Variants in ATL3 observed in about 807,000 individuals in gnomAD.
ATL3 encodes atlastin GTPase 3.
Under a neutral mutation model 69.5 loss-of-function variants are expected in ATL3, and 49 were observed. The ratio of observed to expected loss-of-function variants is 0.71; its 90% CI spans 0.56 to 0.89. ATL3 has a LOEUF of 0.89. Among genes scored for constraint, ATL3 ranks in the 40% least tolerant of loss-of-function variants. The pLI is 0.00. For synonymous variants in ATL3, 214 were observed against 224.1 expected, an observed-to-expected ratio of 0.95 and a Z score of 0.40; for missense variants, 606 against 645.7, an observed-to-expected ratio of 0.94 and a Z score of 0.67.
intron 8 of ATL3, among the ~76,000 whole-genome samples, chr11:63,639,038 G>A (rs1939609235): frequency 1.3e-5 from 2 of 152,172 alleles, no homozygotes; most frequent in East Asian, 3.8e-4. Context: ...GAACAGGACT[G>A]CAGAATCTCA....
At chr11:63,664,417 G>A (rs1183359669) in intron 1 of ATL3, among the ~76,000 whole-genome samples, 2 of 151,436 alleles carry the variant, frequency 1.3e-5, no homozygotes, top group Non-Finnish European at 2.9e-5. Flanking sequence ...GTAGGCACCC[G>A]TAATCCCAGC....
chr11:63,656,149 G>A lies in ATL3; in HGVS notation c.405+2612C>T, dbSNP rs184608778. On this transcript the variant is annotated intron_variant, in intron 3 of 12. Transcript: ENST00000398868. Reference sequence around the variant, plus strand: ...TGAGGCAGGAGAATGGCGTGAACCCGGGAGGCGGAGCTTGCAGTGAGCCGA... The same window carrying A: ...TGAGGCAGGAGAATGGCGTGAACCCAGGAGGCGGAGCTTGCAGTGAGCCGA... 2.8e-3 allele frequency among the ~76,000 whole-genome samples: 422 copies of A among 151,738 alleles called. 4 individuals carry two copies. The highest frequency in any genetic ancestry group is 8.7e-3 in the African/African-American group (361 of 41,406).
At chr11:63,640,529 T>A (rs1590725592) in intron 8 of ATL3, among the ~76,000 whole-genome samples, 1 of 145,746 alleles carries the variant, frequency 6.9e-6, no homozygotes, top group Admixed American at 7.0e-5. Context: ...TCTAACCAAC[T>A]CCACATAAAG....
intron 1 of ATL3, among the ~76,000 whole-genome samples, chr11:63,669,967 A>G (rs1306662935): frequency 2.0e-5 from 3 of 151,544 alleles, no homozygotes; most frequent in Admixed American, 2.0e-4. Flanking sequence ...ATAGCCGCGC[A>G]TGGTGGAGAG....
chr11:63,651,489 C>G (rs1285928749), intron 5 of ATL3, among the ~76,000 whole-genome samples: 1 of 152,108 alleles, frequency 6.6e-6, no homozygotes, highest in Non-Finnish European at 1.5e-5. Context: ...TGCTGACGAC[C>G]CTCCCATGGC....
Position 63,628,297 on chromosome 11 carries a change from T to C in ATL3, c.*1022A>G, listed in dbSNP as rs1939185358. On this transcript the variant is annotated 3_prime_UTR_variant, in exon 13 of 13. Coordinates refer to ENST00000398868, the MANE Select transcript of ATL3 (RefSeq NM_015459.5). ...TTTTCAAGGCACGTTTGCCTCTTTT[T>C]CTAGAAAGAAGCTATAGGGACCAAA... 1 of 150,914 alleles carries C rather than the reference T, an allele frequency of 6.6e-6. No individual in the cohort carries two copies. Among genetic ancestry groups the C allele is most frequent in the Non-Finnish European group, 1.5e-5 (1 of 67,942 alleles). The allele number at this position is 150,914 out of a possible 1,614,324, so 9.3% of individuals were successfully genotyped here. A position where few individuals can be genotyped will look rare whatever the true frequency, so the allele number is the denominator to read the frequency against.
intron 1 of ATL3, among the ~76,000 whole-genome samples, chr11:63,661,877 A>G (rs1261346438): frequency 6.7e-6 from 1 of 149,968 alleles, no homozygotes; most frequent in African/African-American, 2.5e-5. Context: ...CAAAAGAGTG[A>G]CACTCCGTCT....
rs773613301 is a variant in ATL3 at position 63,631,484 on chromosome 11, A to C, written c.1108-13T>G. On this transcript the variant is annotated splice_polypyrimidine_tract_variant and intron_variant, in intron 11 of 12. Coordinates refer to ENST00000398868, the MANE Select transcript of ATL3 (RefSeq NM_015459.5). ...CTCCCCCACAAACCTAAAAAGAACA[A>C]AGAAACAATATGTTAAAAGATCTCT... 6.4e-7 allele frequency: 1 copy of C among 1,572,860 alleles called. No individual in the cohort carries two copies. Among genetic ancestry groups the C allele is most frequent in the Non-Finnish European group, 8.6e-7 (1 of 1,162,890 alleles).
At chr11:63,659,870 G>C (rs1940368873) in intron 1 of ATL3, among the ~76,000 whole-genome samples, 2 of 152,074 alleles carry the variant, frequency 1.3e-5, no homozygotes, top group African/African-American at 4.8e-5. Flanking sequence ...CTGGGAGGCA[G>C]AGGTTGCAGT....
chr11:63,628,292 C>A lies in ATL3; in HGVS notation c.*1027G>T, dbSNP rs1160663845. On this transcript the variant is annotated 3_prime_UTR_variant, in exon 13 of 13. Coordinates refer to ENST00000398868, the MANE Select transcript of ATL3 (RefSeq NM_015459.5). ...CTGGCTTTTCAAGGCACGTTTGCCTCTTTTTCTAGAAAGAAGCTATAGGGA... is the reference window on the plus strand; with the variant it reads ...CTGGCTTTTCAAGGCACGTTTGCCTATTTTTCTAGAAAGAAGCTATAGGGA... 1 of 148,914 alleles carries A rather than the reference C, an allele frequency of 6.7e-6. No homozygotes were observed. The highest frequency in any genetic ancestry group is 2.5e-5 in the African/African-American group (1 of 40,216). The allele number at this position is 148,914 out of a possible 1,614,324, so 9.2% of individuals were successfully genotyped here. A position where few individuals can be genotyped will look rare whatever the true frequency, so the allele number is the denominator to read the frequency against.
intron 8 of ATL3, among the ~76,000 whole-genome samples, chr11:63,642,514 A>G (rs538517028): frequency 2.6e-5 from 4 of 152,328 alleles, no homozygotes; most frequent in South Asian, 4.1e-4. Flanking sequence ...TTTCCTCCAT[A>G]TAACAGAAGA....
At chr11:63,637,317 A>G (rs1040101743) in intron 8 of ATL3, among the ~76,000 whole-genome samples, 2 of 152,146 alleles carry the variant, frequency 1.3e-5, no homozygotes. Context: ...GTCTTCAACA[A>G]GTCAATTTTC....
chr11:63,631,257 A>G lies in ATL3; in HGVS notation c.1322T>C (p.Phe441Ser). 6.2e-7 allele frequency: 1 copy of G among 1,614,194 alleles called. No homozygotes were observed. Among genetic ancestry groups the G allele is most frequent in the Non-Finnish European group, 8.5e-7 (1 of 1,180,028 alleles). ...HNGSKNVFSTFRTPAVLFTGI... is the reference protein window; with the variant it reads ...HNGSKNVFSTSRTPAVLFTGI... Reference sequence around the variant, plus strand: ...CGTGAACAGCACTGCAGGGGTTCGGAAGGTGCTGAAGACGTTCTTGCTACC... The same window carrying G: ...CGTGAACAGCACTGCAGGGGTTCGGGAGGTGCTGAAGACGTTCTTGCTACC... Residue 441 changes from phenylalanine (F) to serine (S), a missense_variant, in exon 12 of 13, where the codon TTC becomes TCC. Transcript: ENST00000398868.
At chr11:63,659,670 C>T (rs897625089) in intron 1 of ATL3, among the ~76,000 whole-genome samples, 24 of 152,078 alleles carry the variant, frequency 1.6e-4, no homozygotes, top group African/African-American at 5.6e-4. Flanking sequence ...CACAGTGGTT[C>T]GCCCCTGTAA....
intron 1 of ATL3, among the ~76,000 whole-genome samples, chr11:63,667,127 T>C (rs1940594129): frequency 6.6e-6 from 1 of 152,176 alleles, no homozygotes; most frequent in Non-Finnish European, 1.5e-5. Flanking sequence ...TGCCCATTAG[T>C]TATTTAGTAG....
chr11:63,652,049 C>T, intron 4 of ATL3, 63 bp from the exon 5 acceptor site: 2 of 1,558,684 alleles, frequency 1.3e-6, no homozygotes, highest in Non-Finnish European at 1.7e-6. Context: ...CCAAATAAGC[C>T]TAAAGGGCTG....
intron 3 of ATL3, among the ~76,000 whole-genome samples, chr11:63,655,170 CAG>C (rs1457278824): frequency 2.6e-5 from 4 of 152,092 alleles, no homozygotes; most frequent in Non-Finnish European, 4.4e-5. Context: ...TAAATGGAAC[CAG>C]AGTGTTGTTA....
At chr11:63,658,690 AAC>A in intron 3 of ATL3, 69 bp downstream of exon 3, 7 of 1,476,864 alleles carry the variant, frequency 4.7e-6, no homozygotes, top group Non-Finnish European at 6.3e-6. Context: ...TAATTGGGTT[AAC>A]ACAGTACATG....
At chr11:63,670,172 T>G (rs149669515) in intron 1 of ATL3, among the ~76,000 whole-genome samples, 83 of 152,232 alleles carry the variant, frequency 5.5e-4, no homozygotes, top group African/African-American at 1.9e-3. Context: ...GCCAAGTGTT[T>G]ACAGGTGTTA....
Sources: allele counts gnomAD v4.1 joint callset (sites outside exome capture counted in the v4.1 genomes callset), GRCh38; gene constraint gnomAD v4.1.1; transcripts MANE v1.5; gene names NCBI Gene and HGNC (gene_info 2026-07-23, HGNC 2026-07-21).